HEATR5A: variants seen among roughly 807,000 people sequenced by gnomAD.
HEATR5A encodes the protein HEAT repeat containing 5A.
In HEATR5A, 178 loss-of-function variants were observed where a neutral mutation model predicts 218.8. The observed-to-expected ratio is 0.81, with a 90% CI of 0.72 to 0.92. HEATR5A has a LOEUF of 0.92. Among genes scored for constraint, HEATR5A ranks in the 40% least tolerant of loss-of-function variants. The probability of loss-of-function intolerance (pLI) is 0.00; values close to 1 mark genes in which losing one functional copy is unlikely to be tolerated. For synonymous variants in HEATR5A, 864 were observed against 871.6 expected, an observed-to-expected ratio of 0.99 and a Z score of 0.15; for missense variants, 2,420 against 2,418.9, an observed-to-expected ratio of 1.00 and a Z score of -0.01.
chr14:31,318,477 G>A (rs369433108), intron 25 of HEATR5A, among the ~76,000 whole-genome samples, 185 bp from the exon 26 acceptor site: 1 of 152,220 alleles, frequency 6.6e-6, no homozygotes, highest in Non-Finnish European at 1.5e-5. Context: ...TTCGGGGAAC[G>A]ATCTTCTCTC....
intron 17 of HEATR5A, 124 bp from the exon 18 acceptor site, chr14:31,350,103 A>G: frequency 1.8e-6 from 1 of 553,868 alleles, no homozygotes; most frequent in East Asian, 3.2e-5. Context: ...TTAAAAACAA[A>G]TAAGAACACA....
At chr14:31,362,451 G>GT (rs1470621050) in intron 14 of HEATR5A, among the ~76,000 whole-genome samples, 1 of 151,518 alleles carries the variant, frequency 6.6e-6, no homozygotes, top group African/African-American at 2.4e-5. Context: ...TCTAATTCAA[G>GT]TTTTTTTAAG....
intron 12 of HEATR5A, 103 bp from the exon 13 acceptor site, chr14:31,372,012 A>G (rs1902053329): frequency 1.9e-6 from 1 of 523,710 alleles, no homozygotes; most frequent in African/African-American, 2.0e-5. Flanking sequence ...GTAATAAAGC[A>G]ATTTGCTAAA....
At position 31,355,930 on chromosome 14, in the gene HEATR5A, CAT is replaced by C. The variant is rs369602619; in HGVS notation, c.2411+2705_2411+2706del. 7.2e-3 allele frequency among the ~76,000 whole-genome samples: 1,100 copies of C among 152,314 alleles called. 11 individuals are homozygous for C. Among genetic ancestry groups the C allele is most frequent in the African/African-American group, 0.025 (1,054 of 41,564 alleles). ...ATTATTTCCAACCTTAGGACAACCA[CAT>C]GTTACACAACTGTTTAAACATAAGG... On this transcript the variant is annotated intron_variant, in intron 16 of 35. Coordinates refer to ENST00000543095, the MANE Select transcript of HEATR5A (RefSeq NM_015473.4).
Position 31,293,418 on chromosome 14 carries a change from C to A in HEATR5A, c.6028G>T (p.Glu2010Ter). ...TCCTGATTGCCCTTTATAGCAGCCT[C>A]AAGGCGGGCTTTTAGGGCTGGAGAA... is the stretch of plus-strand genomic sequence containing the variant. ...ASSPALKARL[E>*]AAIKGNQESV... is the part of the protein sequence containing the mutation. The change falls in exon 36 of 36, where the codon GAG becomes TAG. Residue 2010 changes from glutamate to a stop codon, truncating the protein, a stop_gained. Transcript: ENST00000543095. LOFTEE classifies it high-confidence loss of function. 6.2e-7 allele frequency: 1 copy of A among 1,613,902 alleles called. No individual in the cohort carries two copies. Among genetic ancestry groups the A allele is most frequent in the Non-Finnish European group, 8.5e-7 (1 of 1,179,802 alleles).
chr14:31,402,855 T>TG lies in HEATR5A; in HGVS notation c.120dup (p.Ser41GlnfsTer4). On this transcript the variant is annotated frameshift_variant, in exon 2 of 36. Transcript: ENST00000543095. LOFTEE classifies it high-confidence loss of function. ...GATGTTGTCATTTTACCCACCCTGC[T>TG]GGTTGCCAACAAGAGCTTCTCCAAG... 2.0e-6 allele frequency: 3 copies of TG among 1,536,610 alleles called. No individual in the cohort carries two copies. Among genetic ancestry groups the TG allele is most frequent in the Non-Finnish European group, 2.6e-6 (3 of 1,146,956 alleles).
intron 21 of HEATR5A, among the ~76,000 whole-genome samples, chr14:31,338,898 C>A (rs184952644): frequency 1.1e-4 from 16 of 152,112 alleles, no homozygotes; most frequent in African/African-American, 3.9e-4. Flanking sequence ...AGGCAGATCA[C>A]TTGAGGTCAG....
At chr14:31,345,820 G>A (rs1901000512) in intron 19 of HEATR5A, among the ~76,000 whole-genome samples, 1 of 152,106 alleles carries the variant, frequency 6.6e-6, no homozygotes, top group Non-Finnish European at 1.5e-5. Flanking sequence ...TATTGATAAT[G>A]GACTGTTTCT....
At position 31,353,965 on chromosome 14, in the gene HEATR5A, A is replaced by AT. The variant is rs937492227; in HGVS notation, c.2412-3249dup. 3.3e-5 allele frequency among the ~76,000 whole-genome samples: 5 copies of AT among 151,322 alleles called. No homozygotes were observed. The East Asian group carries it at 5.9e-4, about 18-fold the overall frequency. ...CAGGCGCCCACACTACACCTGGCTA[A>AT]TTTTTTTTTATTTTTAGTAGAGACG... is the stretch of plus-strand genomic sequence containing the variant. On this transcript the variant is annotated intron_variant, in intron 16 of 35. Coordinates refer to ENST00000543095, the MANE Select transcript of HEATR5A (RefSeq NM_015473.4).
intron 32 of HEATR5A, among the ~76,000 whole-genome samples, chr14:31,302,938 CA>C (rs747481722): frequency 0.2 from 20,252 of 99,796 alleles, 764 homozygotes; most frequent in Non-Finnish European, 0.26. Flanking sequence ...TTCATCTTTA[CA>C]AAAAAAAAAA....
chr14:31,391,330 G>C (rs12588420), intron 6 of HEATR5A, among the ~76,000 whole-genome samples: 80,595 of 151,818 alleles, frequency 0.53, 21,572 homozygotes, highest in East Asian at 0.6. Flanking sequence ...AGACAGATGA[G>C]GTTTCCCCAT....
At chr14:31,396,711 G>C (rs1392758128) in intron 4 of HEATR5A, among the ~76,000 whole-genome samples, 1 of 152,178 alleles carries the variant, frequency 6.6e-6, no homozygotes, top group East Asian at 1.9e-4. Flanking sequence ...TCCAAATGTT[G>C]TGTATCACTG....
In HEATR5A at chr14:31,337,928, T is replaced by C. The variant is rs190047772; in HGVS notation, c.3229-314A>G. On this transcript the variant is annotated intron_variant, in intron 21 of 35. Transcript: ENST00000543095. Reference sequence around the variant, plus strand: ...TTTTAAGAGAAAAAAAGAACTACAATGGAAAGGATTTAGTTGCAGTTCATA... The same window carrying C: ...TTTTAAGAGAAAAAAAGAACTACAACGGAAAGGATTTAGTTGCAGTTCATA... Among the ~76,000 whole-genome samples the C allele has an allele frequency of 8.5e-5, 13 of 152,252 alleles. No homozygotes were observed. In the East Asian group the frequency reaches 2.3e-3, roughly 27 times the overall value.
At chr14:31,372,740 T>C (rs976676132) in intron 12 of HEATR5A, among the ~76,000 whole-genome samples, 1 of 152,044 alleles carries the variant, frequency 6.6e-6, no homozygotes, top group African/African-American at 2.4e-5. Context: ...GACAGGAGAA[T>C]CACTTGAACC....
chr14:31,320,611 G>T, intron 25 of HEATR5A: 1 of 731,516 alleles, frequency 1.4e-6, no homozygotes, highest in Non-Finnish European at 2.5e-6. Context: ...CTGGAGAAAT[G>T]AGTAATACCC....
intron 11 of HEATR5A, among the ~76,000 whole-genome samples, chr14:31,376,525 A>G (rs2139264030): frequency 6.6e-6 from 1 of 152,148 alleles, no homozygotes; most frequent in South Asian, 2.1e-4. Context: ...AACAATAATT[A>G]TAATGTATCT....
At chr14:31,383,041 G>C (rs1284022493) in intron 10 of HEATR5A, among the ~76,000 whole-genome samples, 1 of 151,870 alleles carries the variant, frequency 6.6e-6, no homozygotes, top group Non-Finnish European at 1.5e-5. Flanking sequence ...CTGGGCACTA[G>C]GGGTATCCCT....
intron 9 of HEATR5A, among the ~76,000 whole-genome samples, chr14:31,385,457 T>A (rs1187187321): frequency 6.6e-6 from 1 of 152,192 alleles, no homozygotes; most frequent in Non-Finnish European, 1.5e-5. Context: ...AGTGATTTTT[T>A]AAAAAGAAGC....
Position 31,309,008 on chromosome 14 carries a change from C to T in HEATR5A, c.4616G>A (p.Cys1539Tyr). Residue 1539 changes from cysteine to tyrosine, a missense_variant, in exon 29 of 36, where the codon TGT (cysteine) becomes TAT (tyrosine). By Grantham distance (194) the Cys-to-Tyr change is radical. Coordinates refer to ENST00000543095, the MANE Select transcript of HEATR5A (RefSeq NM_015473.4). ...LSRPVTPTSM[C>Y]QGSSSGATIK... The stretch of plus-strand genomic sequence containing the variant: ...GGTAGCCCCAGATGATGAACCCTGA[C>T]ACATGGAAGTTGGTGTTACAGGCCT... 1 of 1,613,840 alleles carries T rather than the reference C, an allele frequency of 6.2e-7. No individual in the cohort carries two copies. The highest frequency in any genetic ancestry group is 1.1e-5 in the South Asian group (1 of 91,080).
Sources: allele counts gnomAD v4.1 joint callset (sites outside exome capture counted in the v4.1 genomes callset), GRCh38; gene constraint gnomAD v4.1.1; transcripts MANE v1.5; gene names NCBI Gene and HGNC (gene_info 2026-07-23, HGNC 2026-07-21).